RAPGEF2: variants seen among roughly 807,000 people sequenced by gnomAD.
The protein encoded by RAPGEF2 is Rap guanine nucleotide exchange factor 2.
Under a neutral mutation model 186.7 loss-of-function variants are expected in RAPGEF2, and 54 were observed. The observed-to-expected ratio is 0.29, with a 90% CI of 0.23 to 0.36. The LOEUF (loss-of-function observed/expected upper bound fraction) is 0.36, where lower values mean the gene tolerates loss of function less well. Among genes scored for constraint, RAPGEF2 ranks in the 10% least tolerant of loss-of-function variants. RAPGEF2 has a pLI of 1.00. For missense variants in RAPGEF2, 1,532 were observed against 2,045.0 expected (o/e 0.75, Z 4.84); for synonymous variants, 712 against 705.9 (o/e 1.01, Z -0.14).
At chr4:159,277,478 C>T (rs548861105) in intron 7 of RAPGEF2, among the ~76,000 whole-genome samples, 1 of 152,258 alleles carries the variant, frequency 6.6e-6, no homozygotes, top group South Asian at 2.1e-4. Context: ...ATTTCTAGTT[C>T]TGGATCCCTG....
At chr4:159,282,949 A>T (rs902725587) in intron 7 of RAPGEF2, among the ~76,000 whole-genome samples, 5 of 151,870 alleles carry the variant, frequency 3.3e-5, no homozygotes, top group African/African-American at 7.3e-5. Flanking sequence ...TGTATCTGTT[A>T]AAAAAAATGC....
At position 159,351,006 on chromosome 4, in the gene RAPGEF2, T is replaced by A. The variant is rs946335019; in HGVS notation, c.3865+717T>A. On this transcript the variant is annotated intron_variant, in intron 26 of 29. Coordinates refer to ENST00000691494, the MANE Select transcript of RAPGEF2 (RefSeq NM_001394067.2). Reference sequence around the variant, plus strand: ...TGCATTTTGTATGGGTATCAGTCTCTCCTGTCCTTGTTACATGGATGCATC... The same window carrying A: ...TGCATTTTGTATGGGTATCAGTCTCACCTGTCCTTGTTACATGGATGCATC... 29 of 1,480,190 alleles carry A rather than the reference T, an allele frequency of 2.0e-5. No individual in the cohort carries two copies. The African/African-American group carries it at 3.6e-4, about 18-fold the overall frequency. 91.7% of individuals were successfully genotyped at this position (1,480,190 alleles called of 1,614,324 possible).
chr4:159,244,179 A>T (rs969071995), intron 7 of RAPGEF2, among the ~76,000 whole-genome samples: 7 of 151,950 alleles, frequency 4.6e-5, no homozygotes, highest in African/African-American at 7.2e-5. Context: ...ATTCATTAGA[A>T]ATTTACATTT....
chr4:159,301,649 G>A (rs553813603), intron 7 of RAPGEF2, among the ~76,000 whole-genome samples: 7 of 152,114 alleles, frequency 4.6e-5, no homozygotes, highest in Non-Finnish European at 7.4e-5. Flanking sequence ...AAGGCCAGAA[G>A]TTTGAGACCA....
chr4:159,284,131 C>G (rs1332819364), intron 7 of RAPGEF2, among the ~76,000 whole-genome samples: 2 of 152,192 alleles, frequency 1.3e-5, no homozygotes, highest in Admixed American at 6.5e-5. Context: ...GCTCTGAAAT[C>G]TGTCTTCATT....
Position 159,341,619 on chromosome 4 carries a change from C to A in RAPGEF2, c.2590C>A (p.Gln864Lys). The change falls in exon 20 of 30, where the codon CAG becomes AAG. Residue 864 changes from glutamine to lysine, a missense_variant. This residue lies in a region of RAPGEF2 where 810 missense variants were observed against 1,210.5 expected (regional missense o/e 0.67). Coordinates refer to ENST00000691494, the MANE Select transcript of RAPGEF2 (RefSeq NM_001394067.2). ...AACTCTTTGTTCAGATGAAGATGCT[C>A]AGGAGTTGTTGAGAGAGAGTCAAAT... ...TETLCSDEDA[Q>K]ELLRESQISL... 6.2e-7 allele frequency: 1 copy of A among 1,613,214 alleles called. No homozygotes were observed. The highest frequency in any genetic ancestry group is 2.2e-5 in the East Asian group (1 of 44,872).
chr4:159,311,260 T>C (rs1763922636), intron 8 of RAPGEF2, among the ~76,000 whole-genome samples: 1 of 152,150 alleles, frequency 6.6e-6, no homozygotes. Context: ...GATCACTATT[T>C]TTATAATTGG....
intron 8 of RAPGEF2, among the ~76,000 whole-genome samples, chr4:159,304,881 ACT>A (rs1763096237): frequency 6.6e-6 from 1 of 151,840 alleles, no homozygotes; most frequent in East Asian, 1.9e-4. Context: ...ATCATTCCAC[ACT>A]CTGCATCCAT....
At chr4:159,308,164 A>G (rs1180090930) in intron 8 of RAPGEF2, among the ~76,000 whole-genome samples, 2 of 152,150 alleles carry the variant, frequency 1.3e-5, no homozygotes, top group Non-Finnish European at 2.9e-5. Flanking sequence ...GCTCTAACAT[A>G]GTTGGAGCTT....
intron 3 of RAPGEF2, among the ~76,000 whole-genome samples, chr4:159,208,348 C>T (rs1379438902): frequency 6.6e-6 from 1 of 152,190 alleles, no homozygotes; most frequent in Admixed American, 6.5e-5. Flanking sequence ...TCCCTTGCAA[C>T]GTGCATATGG....
chr4:159,186,116 C>A (rs573703065), intron 1 of RAPGEF2, among the ~76,000 whole-genome samples: 1 of 151,450 alleles, frequency 6.6e-6, no homozygotes, highest in Admixed American at 6.6e-5. Flanking sequence ...TAAAACAAGG[C>A]ACGTTTTCTT....
At chr4:159,150,200 A>T (rs7663486) in intron 1 of RAPGEF2, among the ~76,000 whole-genome samples, 85,122 of 151,488 alleles carry the variant, frequency 0.56, 24,061 homozygotes, top group Admixed American at 0.61. Context: ...ATATACTATA[A>T]AGTCACCATG....
intron 3 of RAPGEF2, among the ~76,000 whole-genome samples, chr4:159,202,106 G>A (rs576346370): frequency 5.3e-5 from 8 of 152,254 alleles, no homozygotes; most frequent in East Asian, 1.9e-4. Context: ...TCGTGTGCTC[G>A]GCTCAGCCAC....
chr4:159,286,966 G>A (rs1321043656), intron 7 of RAPGEF2, among the ~76,000 whole-genome samples: 1 of 152,124 alleles, frequency 6.6e-6, no homozygotes, highest in African/African-American at 2.4e-5. Flanking sequence ...CACTCTGTCT[G>A]TAATGTCTAG....
Position 159,104,005 on chromosome 4 carries a change from G to GC in RAPGEF2, c.-151dup, listed in dbSNP as rs987234191. ...CTCGGCCGCCGGGCCCAGCCGAGCC[G>GC]CCCCCCCGCGGGCCCCGCGCCGCCG... On this transcript the variant is annotated 5_prime_UTR_variant, in exon 1 of 30. Transcript: ENST00000691494. The GC allele has an allele frequency of 1.1e-3, 194 of 174,130 alleles. 3 individuals carry two copies. The highest frequency in any genetic ancestry group is 1.2e-3 in the Non-Finnish European group (111 of 88,944). The allele number at this position is 174,130 out of a possible 1,614,324, so 10.8% of individuals were successfully genotyped here.
chr4:159,218,631 G>T (rs761100065), intron 4 of RAPGEF2, among the ~76,000 whole-genome samples: 4 of 152,052 alleles, frequency 2.6e-5, no homozygotes, highest in African/African-American at 4.8e-5. Context: ...GGTGGCACAA[G>T]CCTGTAGTCC....
Position 159,193,189 on chromosome 4 carries a change from C to T in RAPGEF2, c.141-11C>T. 1 of 1,462,786 alleles carries T rather than the reference C, an allele frequency of 6.8e-7. No homozygotes were observed. The highest frequency in any genetic ancestry group is 9.0e-7 in the Non-Finnish European group (1 of 1,110,412). 90.6% of individuals were successfully genotyped at this position (1,462,786 alleles called of 1,614,324 possible). ...ACAGATGTTGAACTCATGTTTTTAT[C>T]TCTTTTACAGGTTAATGTGTGAAAC... On this transcript the variant is annotated splice_polypyrimidine_tract_variant and intron_variant, in intron 2 of 29. Transcript: ENST00000691494.
chr4:159,104,058 G>A lies in RAPGEF2; in HGVS notation c.-105G>A, dbSNP rs890108220. ...GCCGCGGTTTGGCTGATTAGTCGCG[G>A]GCGGGCGGGCGGGCGCAGCGCGCAG... On this transcript the variant is annotated 5_prime_UTR_variant, in exon 1 of 30. Coordinates refer to ENST00000691494, the MANE Select transcript of RAPGEF2 (RefSeq NM_001394067.2). 129 of 493,240 alleles carry A rather than the reference G, an allele frequency of 2.6e-4. No individual in the cohort carries two copies. The highest frequency in any genetic ancestry group is 3.3e-4 in the Non-Finnish European group (122 of 364,792). The allele number at this position is 493,240 out of a possible 1,614,324, so 30.6% of individuals were successfully genotyped here. A position where few individuals can be genotyped will look rare whatever the true frequency, so the allele number is the denominator to read the frequency against.
chr4:159,345,351 C>G, intron 24 of RAPGEF2, 22 bp downstream of exon 24: 1 of 1,609,236 alleles, frequency 6.2e-7, no homozygotes, highest in Non-Finnish European at 8.5e-7. Flanking sequence ...CTTAAAGTGG[C>G]TGCAGACTTT....
Sources: allele counts gnomAD v4.1 joint callset (sites outside exome capture counted in the v4.1 genomes callset), GRCh38; gene constraint gnomAD v4.1.1; regional missense constraint gnomAD v4.1.1; transcripts MANE v1.5; gene names NCBI Gene and HGNC (gene_info 2026-07-23, HGNC 2026-07-21).